The following RASA3 variants were observed in gnomAD, a reference collection of about 807,000 sequenced individuals.
RASA3 encodes the protein ras GTPase-activating protein 3.
In RASA3, 73 loss-of-function variants were observed where a neutral mutation model predicts 110.0. The observed-to-expected ratio is 0.66, with a 90% CI of 0.55 to 0.81. The LOEUF (loss-of-function observed/expected upper bound fraction) is 0.81. RASA3 is among the 30% of genes least tolerant of loss of function. The pLI is 0.00. For synonymous variants in RASA3, 500 were observed against 451.4 expected (o/e 1.11, Z -1.37); for missense variants, 976 against 1,113.2 (o/e 0.88, Z 1.75).
At chr13:113,999,511 A>G in intron 20 of RASA3, 74 bp downstream of exon 20, 1 of 1,216,726 alleles carries the variant, frequency 8.2e-7, no homozygotes, top group Non-Finnish European at 1.2e-6. Context: ...GCCCAGGGCC[A>G]GGTACGGGAA....
chr13:114,064,344 A>G (rs1373572234), intron 2 of RASA3, among the ~76,000 whole-genome samples: 1 of 152,180 alleles, frequency 6.6e-6, no homozygotes, highest in African/African-American at 2.4e-5. Context: ...CCACAGCACC[A>G]TCACTGGAGG....
rs191264280 is a variant in RASA3 at position 114,018,798 on chromosome 13, G to C, written c.907C>G (p.Leu303Val). The change falls in exon 10 of 24, where the codon CTG (leucine) becomes GTG (valine). Residue 303 changes from leucine (L) to valine (V), a missense_variant. This residue lies in a region of RASA3 where 732 missense variants were observed against 779.7 expected (regional missense o/e 0.94). Coordinates refer to ENST00000334062, the MANE Select transcript of RASA3 (RefSeq NM_007368.4). The part of the protein sequence containing the change: ...HVFSSDYYSP[L>V]RDLLLKSADV... ...GCAGACTTCAACAGCAGGTCCCGCA[G>C]AGGGCTGTAATAGTCAGAAGAAAAC... The C allele has an allele frequency of 1.2e-6, 2 of 1,613,504 alleles. No individual in the cohort carries two copies. Among genetic ancestry groups the C allele is most frequent in the Non-Finnish European group, 1.7e-6 (2 of 1,179,976 alleles).
intron 11 of RASA3, among the ~76,000 whole-genome samples, chr13:114,017,772 G>A (rs1404054215): frequency 6.6e-6 from 1 of 152,210 alleles, no homozygotes; most frequent in Non-Finnish European, 1.5e-5. Flanking sequence ...TCCGGAAACA[G>A]CACTAGGCAG....
chr13:114,087,981 A>G lies in RASA3; in HGVS notation c.56-14144T>C, dbSNP rs556484785. 6.6e-5 allele frequency among the ~76,000 whole-genome samples: 10 copies of G among 152,332 alleles called. 1 individual carries two copies. The highest frequency in any genetic ancestry group is 3.4e-3 in the Middle Eastern group (1 of 294). ...CTCATCTCTACTAAAAATACAAAAAATTAGCTGGGCGTGGTGGCGCACGCC... is the reference window on the plus strand; with the variant it reads ...CTCATCTCTACTAAAAATACAAAAAGTTAGCTGGGCGTGGTGGCGCACGCC... On this transcript the variant is annotated intron_variant, in intron 1 of 23. Coordinates refer to ENST00000334062, the MANE Select transcript of RASA3 (RefSeq NM_007368.4).
chr13:114,122,765 G>A (rs1459030586), intron 1 of RASA3, among the ~76,000 whole-genome samples: 6 of 151,492 alleles, frequency 4.0e-5, no homozygotes, highest in African/African-American at 9.8e-5. Context: ...AGTGAGGGAC[G>A]CAGCTAGGAA....
rs570353406 is a variant in RASA3 at position 114,048,129 on chromosome 13, C to A, written c.277+3923G>T. Among the ~76,000 whole-genome samples the A allele has an allele frequency of 1.3e-5, 2 of 152,218 alleles. No homozygotes were observed. The highest frequency in any genetic ancestry group is 2.1e-4 in the South Asian group (1 of 4,822). On this transcript the variant is annotated intron_variant, in intron 3 of 23. Coordinates refer to ENST00000334062, the MANE Select transcript of RASA3 (RefSeq NM_007368.4). This position sits in a 1 kb window ranked among gnomAD's most constrained non-coding sequence, Gnocchi z 4.3. Reference sequence around the variant, plus strand: ...AGGAGATAGAGACCACCTTGGCTAACACGGTGAAACCCCGTCTCTACTGAA... The same window carrying A: ...AGGAGATAGAGACCACCTTGGCTAAAACGGTGAAACCCCGTCTCTACTGAA...
chr13:113,999,559 G>A (rs1016469498), intron 20 of RASA3, 26 bp downstream of exon 20: 4 of 1,601,362 alleles, frequency 2.5e-6, no homozygotes, highest in Non-Finnish European at 3.4e-6. Flanking sequence ...CAACCCGAAA[G>A]AGAGGCTTGG....
Position 114,132,528 on chromosome 13 carries a change from G to C in RASA3, c.-39C>G. On this transcript the variant is annotated 5_prime_UTR_variant, in exon 1 of 24. Coordinates refer to ENST00000334062, the MANE Select transcript of RASA3 (RefSeq NM_007368.4). ...GCCCGCCGAGCCTCGCCCCAAGCGCGCGCCGAGCCCGGGCAGCTCAGGCCG... is the reference window on the plus strand; with the variant it reads ...GCCCGCCGAGCCTCGCCCCAAGCGCCCGCCGAGCCCGGGCAGCTCAGGCCG... 6.9e-7 allele frequency: 1 copy of C among 1,448,356 alleles called. No homozygotes were observed. Among genetic ancestry groups the C allele is most frequent in the South Asian group, 1.3e-5 (1 of 74,874 alleles). 89.7% of individuals were successfully genotyped at this position (1,448,356 alleles called of 1,614,324 possible).
Position 114,131,303 on chromosome 13 carries a change from G to C in RASA3, c.55+1132C>G, listed in dbSNP as rs1375590104. Among the ~76,000 whole-genome samples the C allele has an allele frequency of 5.9e-5, 9 of 152,296 alleles. No individual in the cohort carries two copies. In the South Asian group the frequency reaches 1.0e-3, roughly 18 times the overall value. On this transcript the variant is annotated intron_variant, in intron 1 of 23. Transcript: ENST00000334062. ...CCGGCTGCGAAGTGCGGCTCAGTGG[G>C]GGAGAAGGACCGTGGGGACCGCGAC...
At chr13:114,041,234 T>G (rs2054399403) in intron 3 of RASA3, 140 bp from the exon 4 acceptor site, 1 of 741,880 alleles carries the variant, frequency 1.3e-6, no homozygotes, top group East Asian at 2.7e-5. Context: ...GGTGCGGGGC[T>G]CATGCCTGGA....
At chr13:114,043,125 G>A (rs1269288825) in intron 3 of RASA3, among the ~76,000 whole-genome samples, 3 of 147,106 alleles carry the variant, frequency 2.0e-5, no homozygotes, top group East Asian at 2.1e-4. Flanking sequence ...CCCCTCCTTT[G>A]TCTGCAAACT....
chr13:114,074,598 C>A (rs535956019), intron 1 of RASA3, among the ~76,000 whole-genome samples: 107 of 152,340 alleles, frequency 7.0e-4, no homozygotes, highest in Non-Finnish European at 1.4e-3. Context: ...AGAGCTCTTT[C>A]TTGTGGACGT....
At chr13:114,034,165 G>A (rs1236974004) in intron 4 of RASA3, among the ~76,000 whole-genome samples, 4 of 152,148 alleles carry the variant, frequency 2.6e-5, no homozygotes, top group Non-Finnish European at 4.4e-5. Flanking sequence ...CCTGCTATCC[G>A]TGGCTATCCA....
chr13:114,037,600 T>C (rs2054302473), intron 4 of RASA3, among the ~76,000 whole-genome samples: 1 of 152,194 alleles, frequency 6.6e-6, no homozygotes, highest in Admixed American at 6.5e-5. Context: ...TGGTGACGGT[T>C]ATACAATATT....
chr13:114,046,870 A>G (rs1447334277), intron 3 of RASA3, among the ~76,000 whole-genome samples: 2 of 152,232 alleles, frequency 1.3e-5, no homozygotes, highest in Non-Finnish European at 2.9e-5. Flanking sequence ...GAACAAAGGG[A>G]TGTCTACATG....
At position 114,017,047 on chromosome 13, in the gene RASA3, G is replaced by A. The variant is rs1420178232; in HGVS notation, c.1206+190C>T. On this transcript the variant is annotated intron_variant, in intron 12 of 23. Coordinates refer to ENST00000334062, the MANE Select transcript of RASA3 (RefSeq NM_007368.4). ...GTATAGTTTTAATTTGGGAGAATTTGGAAGGTTCTGGAGTACACAGGGAAC... is the reference window on the plus strand; with the variant it reads ...GTATAGTTTTAATTTGGGAGAATTTAGAAGGTTCTGGAGTACACAGGGAAC... Among the ~76,000 whole-genome samples, 30 of 152,196 alleles carry A rather than the reference G, an allele frequency of 2.0e-4. 1 individual carries two copies. Among genetic ancestry groups the A allele is most frequent in the Admixed American group, 1.8e-3 (27 of 15,282 alleles).
intron 2 of RASA3, among the ~76,000 whole-genome samples, chr13:114,062,964 C>T (rs1310968845): frequency 5.3e-5 from 8 of 152,210 alleles, no homozygotes; most frequent in Non-Finnish European, 1.0e-4. Context: ...GCACAGCCGG[C>T]GACAGAACGG....
chr13:114,106,409 G>A (rs2080136190), intron 1 of RASA3, among the ~76,000 whole-genome samples: 2 of 152,174 alleles, frequency 1.3e-5, no homozygotes, highest in African/African-American at 4.8e-5. Context: ...CAGCATTTGA[G>A]ATTATTGTAA....
rs1465746653 is a variant in RASA3 at position 114,096,582 on chromosome 13, C to T, written c.56-22745G>A. On this transcript the variant is annotated intron_variant, in intron 1 of 23. Coordinates refer to ENST00000334062, the MANE Select transcript of RASA3 (RefSeq NM_007368.4). The surrounding 1 kb of genome is among the most constrained non-coding windows in gnomAD (Gnocchi z 5.1). ...TCAAACTGTTCCAGCCTGGAATAACCCGATTGCTCCTATGGGAACAACTGC... is the reference window on the plus strand; with the variant it reads ...TCAAACTGTTCCAGCCTGGAATAACTCGATTGCTCCTATGGGAACAACTGC... Among the ~76,000 whole-genome samples, 1 of 152,150 alleles carries T rather than the reference C, an allele frequency of 6.6e-6. No individual in the cohort carries two copies. The highest frequency in any genetic ancestry group is 2.4e-5 in the African/African-American group (1 of 41,418).
Sources: allele counts gnomAD v4.1 joint callset (sites outside exome capture counted in the v4.1 genomes callset), GRCh38; gene constraint gnomAD v4.1.1; regional missense constraint gnomAD v4.1.1; non-coding constraint Gnocchi (gnomAD v3.1); transcripts MANE v1.5; gene names NCBI Gene and HGNC (gene_info 2026-07-23, HGNC 2026-07-21).